The following RPL36A variants were observed in gnomAD, a reference collection of about 807,000 sequenced individuals.
RPL36A encodes large ribosomal subunit protein eL42.
For synonymous variants in RPL36A, 25 were observed against 28.5 expected (o/e 0.88, Z 0.39); for missense variants, 20 against 81.0 (o/e 0.25, Z 2.89).
At chrX:101,395,700 A>G (rs781974825) in intron 4 of RPL36A, 28 bp from the exon 5 acceptor site, 1 of 1,208,440 alleles carries the variant, frequency 8.3e-7, no homozygotes, top group Admixed American at 2.2e-5. Context: ...GGCAAAATAC[A>G]AAACAACTTT....
At chrX:101,392,447 G>A (rs1271114659) in intron 3 of RPL36A, 1 of 776,645 alleles carries the variant, frequency 1.3e-6, no homozygotes, top group African/African-American at 2.3e-5. Flanking sequence ...GCTCCAGAAA[G>A]TATTAAGGAA....
intron 3 of RPL36A, chrX:101,392,527 T>C (rs1304431134): frequency 1.3e-6 from 1 of 753,981 alleles, no homozygotes; most frequent in Non-Finnish European, 1.6e-6. Flanking sequence ...GCTTTTTTTA[T>C]ACCTTTTCAC....
At chrX:101,391,132 G>T in intron 1 of RPL36A, 86 bp downstream of exon 1, 6 of 1,025,975 alleles carry the variant, frequency 5.8e-6, no homozygotes, top group Non-Finnish European at 8.2e-6. Flanking sequence ...ATGGGTCCAG[G>T]CTCCTGTGTG....
In RPL36A at chrX:101,391,567, A is replaced by G. The variant is rs1927803964; in HGVS notation, c.109+3A>G. On this transcript the variant is annotated splice_donor_region_variant and intron_variant, in intron 2 of 4. Coordinates refer to ENST00000553110, the MANE Select transcript of RPL36A (RefSeq NM_021029.6). The stretch of plus-strand genomic sequence containing the variant: ...CAAGGATTCTCTGTACGCCCAGGGT[A>G]AGATGGATTCCGCATAATTTGGTGT... 1.7e-6 allele frequency: 2 copies of G among 1,209,479 alleles called. No individual in the cohort carries two copies. The highest frequency in any genetic ancestry group is 1.7e-5 in the African/African-American group (1 of 57,213).
intron 3 of RPL36A, chrX:101,393,374 GGAT>G (rs1355899581): frequency 9.0e-6 from 1 of 111,223 alleles, no homozygotes; most frequent in African/African-American, 3.3e-5. Flanking sequence ...CGGGAGGTGG[GGAT>G]GGTTAATGGG....
intron 3 of RPL36A, 133 bp downstream of exon 3, chrX:101,391,955 T>A: frequency 8.4e-7 from 1 of 1,185,032 alleles, no homozygotes; most frequent in Non-Finnish European, 1.1e-6. Context: ...ATATATCTAG[T>A]AGGTGATGGA....
intron 4 of RPL36A, 47 bp from the exon 5 acceptor site, chrX:101,395,681 G>GTAGTTC (rs1437106661): frequency 1.1e-5 from 13 of 1,189,860 alleles, no homozygotes; most frequent in African/African-American, 3.5e-5. Flanking sequence ...TAATGGGGCA[G>GTAGTTC]TAGTTCATGG....
At chrX:101,394,666 C>G (rs939059229) in intron 3 of RPL36A, among the ~76,000 whole-genome samples, 3 of 103,418 alleles carry the variant, frequency 2.9e-5, no homozygotes, top group Non-Finnish European at 5.8e-5. Context: ...TTGATGACAA[C>G]TGGGTGACAT....
Position 101,395,608 on chromosome X carries a change from G to T in RPL36A, c.301-120G>T, listed in dbSNP as rs111366739. 1,054 of 1,091,773 alleles carry T rather than the reference G, an allele frequency of 9.7e-4. 11 individuals carry two copies. In the African/African-American group the frequency reaches 0.017, roughly 18 times the overall value. 90.0% of individuals were successfully genotyped at this position (1,091,773 alleles called of 1,213,427 possible). A position where few individuals can be genotyped will look rare whatever the true frequency, so the allele number is the denominator to read the frequency against. On this transcript the variant is annotated intron_variant, in intron 4 of 4. Transcript: ENST00000553110. Reference sequence around the variant, plus strand: ...GATATGTGAGGTCTTTTGCTACAAGGAGGAAAGGAAGAATGAGGCAGCTTA... The same window carrying T: ...GATATGTGAGGTCTTTTGCTACAAGTAGGAAAGGAAGAATGAGGCAGCTTA...
At position 101,395,948 on chromosome X, in the gene RPL36A, A is replaced by AT. The variant is rs782269246; in HGVS notation, c.*203dup. 7.2e-6 allele frequency: 3 copies of AT among 418,243 alleles called. No individual in the cohort carries two copies. The highest frequency in any genetic ancestry group is 1.2e-5 in the Non-Finnish European group (3 of 246,200). The allele number at this position is 418,243 out of a possible 1,213,427, so 34.5% of individuals were successfully genotyped here. ...TCACATCATATGTTGCAATTTTCTAATTTGGCACTTCAATCACTAGGGGCC... is the reference window on the plus strand; with the variant it reads ...TCACATCATATGTTGCAATTTTCTAATTTTGGCACTTCAATCACTAGGGGCC... On this transcript the variant is annotated 3_prime_UTR_variant, in exon 5 of 5. Transcript: ENST00000553110.
intron 1 of RPL36A, 64 bp from the exon 2 acceptor site, chrX:101,391,395 A>G: frequency 8.6e-6 from 10 of 1,161,340 alleles, no homozygotes; most frequent in Non-Finnish European, 1.2e-5. Flanking sequence ...TTAGCTGGGT[A>G]AGGTAGGGCG....
intron 3 of RPL36A, among the ~76,000 whole-genome samples, chrX:101,394,055 C>T (rs532299171): frequency 6.3e-5 from 7 of 111,855 alleles, no homozygotes; most frequent in African/African-American, 1.9e-4. Context: ...CAAGGCCGTG[C>T]GTGGTGGCTC....
At chrX:101,391,315 C>A in intron 1 of RPL36A, 144 bp from the exon 2 acceptor site, 2 of 738,473 alleles carry the variant, frequency 2.7e-6, no homozygotes, top group Non-Finnish European at 4.1e-6. Flanking sequence ...CTGCTTGAAG[C>A]ACATGGGGCT....
chrX:101,391,857 A>C, intron 3 of RPL36A, 35 bp downstream of exon 3: 1 of 1,202,848 alleles, frequency 8.3e-7, no homozygotes, highest in Non-Finnish European at 1.1e-6. Context: ...TTTCCCAGTT[A>C]ATTGCCGTAA....
intron 3 of RPL36A, among the ~76,000 whole-genome samples, chrX:101,394,690 T>C (rs913676182): frequency 6.9e-5 from 7 of 102,173 alleles, no homozygotes; most frequent in African/African-American, 2.5e-4. Context: ...ATCTTTGCTA[T>C]TACCACATTT....
At chrX:101,393,391 A>C (rs1243658910) in intron 3 of RPL36A, 1 of 111,907 alleles carries the variant, frequency 8.9e-6, no homozygotes, top group East Asian at 2.8e-4. Flanking sequence ...TAATGGGTAC[A>C]AAAAGAAAAA....
Position 101,395,997 on chromosome X carries a change from C to T in RPL36A, c.*249C>T, listed in dbSNP as rs1928013611. ...CCTTATGAGGCAGTTTGTCATTATGCAATGGTTATTGGTTATCATGTGAGT... is the reference window on the plus strand; with the variant it reads ...CCTTATGAGGCAGTTTGTCATTATGTAATGGTTATTGGTTATCATGTGAGT... On this transcript the variant is annotated 3_prime_UTR_variant, in exon 5 of 5. Transcript: ENST00000553110. 1 of 376,359 alleles carries T rather than the reference C, an allele frequency of 2.7e-6. No homozygotes were observed. The highest frequency in any genetic ancestry group is 5.3e-5 in the South Asian group (1 of 18,808). 31.0% of individuals were successfully genotyped at this position (376,359 alleles called of 1,213,427 possible).
chrX:101,391,172 G>T, intron 1 of RPL36A, 126 bp downstream of exon 1: 1 of 821,782 alleles, frequency 1.2e-6, no homozygotes, highest in Non-Finnish European at 1.8e-6. Context: ...ACCCAATCTT[G>T]CCGGGATCAA....
intron 3 of RPL36A, among the ~76,000 whole-genome samples, chrX:101,394,028 T>G (rs192701301): frequency 8.9e-6 from 1 of 111,925 alleles, no homozygotes; most frequent in Non-Finnish European, 1.9e-5. Context: ...TTCTGTTGTT[T>G]AGGTAAAAGG....
Sources: allele counts gnomAD v4.1 joint callset (sites outside exome capture counted in the v4.1 genomes callset), GRCh38; gene constraint gnomAD v4.1.1; transcripts MANE v1.5; gene names NCBI Gene and HGNC (gene_info 2026-07-23, HGNC 2026-07-21).